BMPER: variants seen among roughly 807,000 people sequenced by gnomAD.
BMPER encodes BMP-binding endothelial regulator protein.
Under a neutral mutation model 87.3 loss-of-function variants are expected in BMPER, and 45 were observed. That is an observed-to-expected ratio of 0.52 (90% CI 0.41 to 0.66). BMPER has a LOEUF of 0.66. Ranked by LOEUF, BMPER falls within the 30% of genes least tolerant of loss-of-function variation. BMPER has a pLI of 0.00. For missense variants in BMPER, 784 were observed against 867.5 expected (o/e 0.90, Z 1.21); for synonymous variants, 326 against 316.2 (o/e 1.03, Z -0.33).
intron 2 of BMPER, among the ~76,000 whole-genome samples, chr7:33,931,355 C>G (rs1784474581): frequency 6.6e-6 from 1 of 152,292 alleles, no homozygotes; most frequent in South Asian, 2.1e-4. Flanking sequence ...CCCAGGTCCA[C>G]TGCTAGCTGC....
intron 12 of BMPER, among the ~76,000 whole-genome samples, chr7:34,084,149 A>C (rs951369546): frequency 7.2e-5 from 11 of 152,254 alleles, no homozygotes; most frequent in African/African-American, 2.6e-4. Context: ...AAAATACAAA[A>C]GATTAGCTGA....
At chr7:34,024,452 T>TA (rs78715545) in intron 6 of BMPER, among the ~76,000 whole-genome samples, 6 of 83,066 alleles carry the variant, frequency 7.2e-5, no homozygotes, top group Non-Finnish European at 1.1e-4. Flanking sequence ...AGGGGTATGG[T>TA]AAAAAAAAAA....
At chr7:34,103,439 A>G (rs1789735784) in intron 13 of BMPER, among the ~76,000 whole-genome samples, 1 of 152,184 alleles carries the variant, frequency 6.6e-6, no homozygotes, top group South Asian at 2.1e-4. Flanking sequence ...GGGGAGCGAT[A>G]CATTACCCCT....
chr7:34,148,691 T>G (rs1791092260), intron 14 of BMPER, among the ~76,000 whole-genome samples: 1 of 152,068 alleles, frequency 6.6e-6, no homozygotes, highest in Admixed American at 6.5e-5. Context: ...TCCTTAATAG[T>G]AGAAAGGTAA....
intron 5 of BMPER, among the ~76,000 whole-genome samples, chr7:33,972,901 T>C (rs531507456): frequency 2.6e-5 from 4 of 152,276 alleles, no homozygotes; most frequent in African/African-American, 9.6e-5. Context: ...GCATTATCTT[T>C]TGTCTTATGA....
At chr7:34,017,359 A>G (rs1787053500) in intron 6 of BMPER, among the ~76,000 whole-genome samples, 1 of 151,882 alleles carries the variant, frequency 6.6e-6, no homozygotes. Context: ...CGGGGACCTC[A>G]CAATCATGGT....
intron 6 of BMPER, among the ~76,000 whole-genome samples, chr7:33,982,575 A>G (rs894988624): frequency 3.3e-5 from 5 of 152,104 alleles, no homozygotes; most frequent in Non-Finnish European, 7.4e-5. Context: ...TTGCTTAGAA[A>G]AGTAGCTGGT....
At chr7:34,075,913 G>A (rs1377392160) in intron 11 of BMPER, among the ~76,000 whole-genome samples, 1 of 152,140 alleles carries the variant, frequency 6.6e-6, no homozygotes, top group East Asian at 1.9e-4. Flanking sequence ...TGAGGTGCCA[G>A]GAAAAAGGGC....
chr7:34,052,813 A>C (rs1452673405), intron 8 of BMPER, among the ~76,000 whole-genome samples: 2 of 152,138 alleles, frequency 1.3e-5, no homozygotes, highest in African/African-American at 4.8e-5. Flanking sequence ...AGCATGCACC[A>C]CTTCAGCGGG....
At chr7:34,017,967 A>C (rs1366802758) in intron 6 of BMPER, among the ~76,000 whole-genome samples, 1 of 118,584 alleles carries the variant, frequency 8.4e-6, no homozygotes, top group Non-Finnish European at 1.7e-5. Context: ...AAACTTGTCC[A>C]AAAAAAAAAA....
chr7:34,144,412 G>A (rs575648316), intron 14 of BMPER, among the ~76,000 whole-genome samples: 15 of 150,510 alleles, frequency 1.0e-4, no homozygotes, highest in African/African-American at 3.7e-4. Context: ...TTGTAAGCAA[G>A]CCTCTTTCTG....
At chr7:34,117,017 C>A (rs1376861631) in intron 13 of BMPER, among the ~76,000 whole-genome samples, 1 of 151,350 alleles carries the variant, frequency 6.6e-6, no homozygotes, top group Non-Finnish European at 1.5e-5. Flanking sequence ...AAGAAAAAAG[C>A]AGATTGGGAT....
At chr7:33,954,953 A>G (rs1785115213) in intron 3 of BMPER, among the ~76,000 whole-genome samples, 2 of 152,114 alleles carry the variant, frequency 1.3e-5, no homozygotes, top group African/African-American at 4.8e-5. Flanking sequence ...GCTAGAGTGC[A>G]ATGGCGTGAT....
At chr7:34,142,467 C>T (rs1415918748) in intron 13 of BMPER, among the ~76,000 whole-genome samples, 1 of 152,132 alleles carries the variant, frequency 6.6e-6, no homozygotes, top group African/African-American at 2.4e-5. Context: ...TCTTTGTGGT[C>T]AACATGTTTA....
chr7:34,120,066 C>A (rs775561538), intron 13 of BMPER, among the ~76,000 whole-genome samples: 2 of 152,142 alleles, frequency 1.3e-5, no homozygotes, highest in Non-Finnish European at 2.9e-5. Context: ...AATTGTCCAA[C>A]CTTGCAAGGA....
chr7:34,106,570 C>T (rs1237300037), intron 13 of BMPER, among the ~76,000 whole-genome samples: 2 of 152,228 alleles, frequency 1.3e-5, no homozygotes, highest in Non-Finnish European at 2.9e-5. Context: ...GCCTGCTCTA[C>T]AGCCACAGAC....
Position 34,144,257 on chromosome 7 carries a change from G to C in BMPER, c.1876+897G>C, listed in dbSNP as rs558023744. ...ATGCTCTCAAAGTGGAGAGGAGCCA[G>C]TGTGGTTTGAGCCTGAGGTGGGCTA... On this transcript the variant is annotated intron_variant, in intron 14 of 14. Transcript: ENST00000649409. Among the ~76,000 whole-genome samples the C allele has an allele frequency of 2.0e-5, 3 of 152,012 alleles. No homozygotes were observed. The South Asian group carries it at 6.3e-4, about 32-fold the overall frequency.
intron 6 of BMPER, among the ~76,000 whole-genome samples, chr7:33,993,082 G>A (rs1786277042): frequency 2.4e-5 from 3 of 125,696 alleles, no homozygotes; most frequent in African/African-American, 9.3e-5. Flanking sequence ...TGGTGAATCT[G>A]ACAATTATGT....
At chr7:34,106,694 C>T (rs1789827684) in intron 13 of BMPER, among the ~76,000 whole-genome samples, 1 of 152,200 alleles carries the variant, frequency 6.6e-6, no homozygotes, top group African/African-American at 2.4e-5. Context: ...CCTTAAGTGG[C>T]CCACCTTACT....
Sources: gnomAD v4.1 joint callset for allele counts (sites outside exome capture counted in the v4.1 genomes callset) on GRCh38, gnomAD v4.1.1 for gene constraint, MANE v1.5 for transcripts, NCBI Gene and HGNC (gene_info 2026-07-23, HGNC 2026-07-21) for gene names.